The following CLEC16A variants were observed in gnomAD, a reference collection of about 807,000 sequenced individuals.
The protein encoded by CLEC16A is protein CLEC16A.
Under a neutral mutation model 109.5 loss-of-function variants are expected in CLEC16A, and 51 were observed. That is an observed-to-expected ratio of 0.47 (90% confidence interval 0.37 to 0.59). The LOEUF (loss-of-function observed/expected upper bound fraction) is 0.59, where lower values mean the gene tolerates loss of function less well. Ranked by LOEUF, CLEC16A falls within the 20% of genes least tolerant of loss-of-function variation. CLEC16A has a pLI of 0.00. For synonymous variants in CLEC16A, 673 were observed against 564.2 expected, an observed-to-expected ratio of 1.19 and a Z score of -2.73; for missense variants, 1,339 against 1,394.0, an observed-to-expected ratio of 0.96 and a Z score of 0.63.
chr16:10,978,663 G>GT (rs756902093), intron 8 of CLEC16A, among the ~76,000 whole-genome samples: 1 of 152,160 alleles, frequency 6.6e-6, no homozygotes, highest in Non-Finnish European at 1.5e-5. Flanking sequence ...CAGAGACAGA[G>GT]TGTGTGTGTG....
chr16:11,017,999 T>TAAA (rs34526192), intron 11 of CLEC16A, among the ~76,000 whole-genome samples: 1 of 138,800 alleles, frequency 7.2e-6, no homozygotes, highest in Non-Finnish European at 1.6e-5. Context: ...AAAGAGGTAT[T>TAAA]AAAAAAAAAA....
intron 22 of CLEC16A, among the ~76,000 whole-genome samples, chr16:11,157,549 A>G (rs1167987723): frequency 6.6e-6 from 1 of 152,216 alleles, no homozygotes; most frequent in Non-Finnish European, 1.5e-5. Context: ...TCAGGGTCCT[A>G]GCAGTGAGGG....
At chr16:11,126,442 T>C (rs2052826385) in intron 22 of CLEC16A, 2 of 1,320,166 alleles carry the variant, frequency 1.5e-6, no homozygotes, top group Admixed American at 2.9e-5. Context: ...AACATTTAAA[T>C]GATTAGTGCT....
At chr16:11,166,996 G>T (rs570313393) in intron 23 of CLEC16A, among the ~76,000 whole-genome samples, 1 of 152,052 alleles carries the variant, frequency 6.6e-6, no homozygotes, top group Non-Finnish European at 1.5e-5. Flanking sequence ...CCAGTTGTTC[G>T]AGTAGGCACG....
chr16:11,165,773 C>G (rs976184093), intron 22 of CLEC16A, among the ~76,000 whole-genome samples: 1 of 152,194 alleles, frequency 6.6e-6, no homozygotes, highest in Non-Finnish European at 1.5e-5. Context: ...TGTGGGCAGA[C>G]TCCACCTCCA....
chr16:11,049,222 G>T (rs1485928019), intron 17 of CLEC16A, among the ~76,000 whole-genome samples: 1 of 152,048 alleles, frequency 6.6e-6, no homozygotes, highest in East Asian at 1.9e-4. Context: ...TGGCCAGGCT[G>T]GTCTCAAACC....
chr16:10,981,867 G>C (rs935266290), intron 9 of CLEC16A, among the ~76,000 whole-genome samples: 2 of 152,164 alleles, frequency 1.3e-5, no homozygotes, highest in African/African-American at 4.8e-5. Flanking sequence ...CAGTGTCTGG[G>C]GAGATGCATT....
At chr16:10,959,112 A>G (rs544197038) in intron 2 of CLEC16A, among the ~76,000 whole-genome samples, 33 of 151,964 alleles carry the variant, frequency 2.2e-4, no homozygotes, top group Non-Finnish European at 3.4e-4. Flanking sequence ...AAAGTGTTCT[A>G]TTTTTAACCT....
chr16:11,158,837 T>C (rs2054621379), intron 22 of CLEC16A, among the ~76,000 whole-genome samples: 1 of 152,000 alleles, frequency 6.6e-6, no homozygotes, highest in African/African-American at 2.4e-5. Flanking sequence ...GGAGAATTGC[T>C]TGAACCTGGG....
At position 10,957,910 on chromosome 16, in the gene CLEC16A, A is replaced by G; in HGVS notation, c.209A>G (p.Asp70Gly). 6.2e-7 allele frequency: 1 copy of G among 1,613,588 alleles called. No homozygotes were observed. The highest frequency in any genetic ancestry group is 8.5e-7 in the Non-Finnish European group (1 of 1,179,676). ...WGDQNDSSVF[D>G]FFLEKNMFVF... is the part of the protein sequence containing the mutation. The stretch of plus-strand genomic sequence containing the variant: ...GATCAAAATGACAGCTCTGTATTTG[A>G]GTAAGGGTTTCTAATGATTGCTGTT... Residue 70 changes from aspartate (D) to glycine (G), a missense_variant and splice_region_variant, in exon 2 of 24, where the codon GAC becomes GGC. Around this residue, in one of 3 missense-constraint regions of CLEC16A, gnomAD observed 117 missense variants for 120.2 expected, o/e 0.97. Transcript: ENST00000409790.
intron 19 of CLEC16A, among the ~76,000 whole-genome samples, chr16:11,087,961 T>G (rs2050100776): frequency 6.6e-6 from 1 of 152,246 alleles, no homozygotes; most frequent in Admixed American, 6.5e-5. Flanking sequence ...CTGGGAGCTC[T>G]TGGGACAAGT....
At chr16:11,071,080 T>G (rs2049045678) in intron 19 of CLEC16A, 1 of 152,242 alleles carries the variant, frequency 6.6e-6, no homozygotes, top group African/African-American at 2.4e-5. Context: ...CTGGCTATTT[T>G]CATCGGATTG....
chr16:11,060,254 T>C (rs547738076), intron 18 of CLEC16A, among the ~76,000 whole-genome samples: 76 of 152,282 alleles, frequency 5.0e-4, no homozygotes, highest in Non-Finnish European at 9.6e-4. Context: ...GCCCACCTGC[T>C]AGGTGCGAGG....
At chr16:11,047,450 A>G in intron 17 of CLEC16A, 108 bp downstream of exon 17, 1 of 643,340 alleles carries the variant, frequency 1.6e-6, no homozygotes, top group Admixed American at 3.9e-5. Context: ...TTGTGACCAA[A>G]TAGCACAGAT....
chr16:11,177,994 G>C (rs1260620255), intron 23 of CLEC16A, among the ~76,000 whole-genome samples: 1 of 152,156 alleles, frequency 6.6e-6, no homozygotes, highest in Non-Finnish European at 1.5e-5. Context: ...GCAGGCCTGA[G>C]ATTTGCCCAC....
At chr16:10,972,843 GT>G in intron 6 of CLEC16A, 94 bp from the exon 7 acceptor site, 5 of 1,334,378 alleles carry the variant, frequency 3.7e-6, no homozygotes, top group Non-Finnish European at 5.0e-6. Context: ...TTTCATTGTG[GT>G]TTTTGGGTTT....
chr16:11,159,706 G>A (rs1361863489), intron 22 of CLEC16A, among the ~76,000 whole-genome samples: 5 of 152,148 alleles, frequency 3.3e-5, no homozygotes, highest in African/African-American at 9.7e-5. Context: ...TTGGTGTGTC[G>A]TGTAGATCGC....
At position 11,178,235 on chromosome 16, in the gene CLEC16A, T is replaced by C. The variant is rs2068836032; in HGVS notation, c.2807-100T>C. ...TCACGCCAGCCAGCCACCTCCCACCTAGCTCACCAGGGCCGCGGTTCAGGA... is the reference window on the plus strand; with the variant it reads ...TCACGCCAGCCAGCCACCTCCCACCCAGCTCACCAGGGCCGCGGTTCAGGA... On this transcript the variant is annotated intron_variant, in intron 23 of 23. Transcript: ENST00000409790. This position sits in a 1 kb window ranked among gnomAD's most constrained non-coding sequence, Gnocchi z 6.5. 1.9e-6 allele frequency: 2 copies of C among 1,072,878 alleles called. No individual in the cohort carries two copies. The highest frequency in any genetic ancestry group is 2.1e-4 in the Middle Eastern group (1 of 4,796). 66.5% of individuals were successfully genotyped at this position (1,072,878 alleles called of 1,614,324 possible). A position where few individuals can be genotyped will look rare whatever the true frequency, so the allele number is the denominator to read the frequency against.
intron 19 of CLEC16A, among the ~76,000 whole-genome samples, chr16:11,097,777 G>A (rs992349551): frequency 2.6e-5 from 4 of 152,346 alleles, no homozygotes; most frequent in African/African-American, 9.6e-5. Flanking sequence ...TGAGGAAAAG[G>A]ATTTTGTGCT....
Sources: gnomAD v4.1 joint callset for allele counts (sites outside exome capture counted in the v4.1 genomes callset) on GRCh38, gnomAD v4.1.1 for gene constraint, gnomAD v4.1.1 regional missense constraint, Gnocchi (gnomAD v3.1) non-coding constraint, MANE v1.5 for transcripts, NCBI Gene and HGNC (gene_info 2026-07-23, HGNC 2026-07-21) for gene names.